PIGN: variants seen among roughly 807,000 people sequenced by gnomAD.
PIGN encodes the protein phosphatidylinositol glycan anchor biosynthesis class N, also known as GPI ethanolamine phosphate transferase 1.
In PIGN, 117 loss-of-function variants were observed where a neutral mutation model predicts 125.4. The ratio of observed to expected loss-of-function variants is 0.93; its 90% CI spans 0.80 to 1.09. PIGN has a LOEUF of 1.09. Ranked by LOEUF, PIGN falls within the 50% of genes least tolerant of loss-of-function variation. The probability of loss-of-function intolerance (pLI) is 0.00; values close to 1 mark genes in which losing one functional copy is unlikely to be tolerated. For missense variants in PIGN, 1,075 were observed against 1,094.9 expected, an observed-to-expected ratio of 0.98 and a Z score of 0.26; for synonymous variants, 392 against 377.8, an observed-to-expected ratio of 1.04 and a Z score of -0.44.
At chr18:62,035,700 C>T (rs1456412436) in intron 23 of PIGN, among the ~76,000 whole-genome samples, 22 of 151,746 alleles carry the variant, frequency 1.4e-4, no homozygotes, top group African/African-American at 4.6e-4. Flanking sequence ...CAACAGGCCC[C>T]GGTGTGTGAT....
At chr18:62,116,797 G>T (rs2035102477) in intron 14 of PIGN, among the ~76,000 whole-genome samples, 1 of 151,844 alleles carries the variant, frequency 6.6e-6, no homozygotes. Context: ...AAAAAAGGAA[G>T]AAAAATAAGA....
chr18:62,094,420 A>G (rs2034092617), intron 23 of PIGN, among the ~76,000 whole-genome samples: 1 of 152,168 alleles, frequency 6.6e-6, no homozygotes, highest in Non-Finnish European at 1.5e-5. Context: ...TCCTTAAGTC[A>G]ACCTCTGGGT....
At position 62,146,798 on chromosome 18, in the gene PIGN, TA is replaced by T. The variant is rs201036226; in HGVS notation, c.805+172del. 3.5e-3 allele frequency among the ~76,000 whole-genome samples: 534 copies of T among 152,330 alleles called. 1 individual carries two copies. Among genetic ancestry groups the T allele is most frequent in the African/African-American group, 0.012 (510 of 41,572 alleles). ...ATATTCGTTTTTTAGTTAGAGAAAATATTTTTTTATAAGATCAGTTGTTTTT... is the reference window on the plus strand; with the variant it reads ...ATATTCGTTTTTTAGTTAGAGAAAATTTTTTTTATAAGATCAGTTGTTTTT... On this transcript the variant is annotated intron_variant, in intron 9 of 30. Coordinates refer to ENST00000640252, the MANE Select transcript of PIGN (RefSeq NM_176787.5).
chr18:62,051,137 A>T (rs1413270581), intron 30 of PIGN, among the ~76,000 whole-genome samples: 1 of 149,604 alleles, frequency 6.7e-6, no homozygotes, highest in Non-Finnish European at 1.5e-5. Flanking sequence ...ATCAATGTTC[A>T]TCAAGGATAT....
intron 6 of PIGN, among the ~76,000 whole-genome samples, chr18:62,156,741 A>G (rs187444480): frequency 4.7e-4 from 71 of 152,362 alleles, no homozygotes; most frequent in Non-Finnish European, 9.0e-4. Context: ...GAAAAGTGCT[A>G]TGCTAAATAT....
chr18:62,054,827 A>G (rs181650793), intron 30 of PIGN, among the ~76,000 whole-genome samples: 14 of 152,308 alleles, frequency 9.2e-5, no homozygotes, highest in Admixed American at 2.6e-4. Context: ...AATATAGAAT[A>G]AATTCTCAAA....
intron 14 of PIGN, among the ~76,000 whole-genome samples, chr18:62,134,841 CT>C (rs538336690): frequency 8.5e-5 from 13 of 152,292 alleles, no homozygotes; most frequent in South Asian, 4.1e-4. Context: ...AGCATGCTTT[CT>C]TGTAAAGTTT....
At chr18:62,146,174 C>A in intron 9 of PIGN, 149 bp from the exon 10 acceptor site, 4 of 398,360 alleles carry the variant, frequency 1.0e-5, no homozygotes, top group Non-Finnish European at 1.4e-5. Flanking sequence ...CCTTTTATGG[C>A]AATTAGTTTG....
At chr18:62,091,489 T>C (rs1229884671) in intron 23 of PIGN, among the ~76,000 whole-genome samples, 1 of 152,204 alleles carries the variant, frequency 6.6e-6, no homozygotes, top group Non-Finnish European at 1.5e-5. Context: ...AATAAGGCCA[T>C]TTCTAAAAAT....
intron 1 of PIGN, among the ~76,000 whole-genome samples, chr18:62,175,163 T>C (rs1199150914): frequency 6.6e-6 from 1 of 150,566 alleles, no homozygotes; most frequent in African/African-American, 2.4e-5. Flanking sequence ...AAGGAACTCG[T>C]GTTTTCACTT....
At chr18:62,050,060 T>G (rs1009647784) in intron 30 of PIGN, among the ~76,000 whole-genome samples, 10 of 152,068 alleles carry the variant, frequency 6.6e-5, no homozygotes, top group African/African-American at 2.4e-4. Flanking sequence ...TTGATCTATA[T>G]CTCTGTTTTG....
chr18:62,157,017 G>A (rs11152334), intron 6 of PIGN, 112 bp downstream of exon 6: 156 of 527,304 alleles, frequency 3.0e-4, no homozygotes, highest in African/African-American at 2.5e-3. Flanking sequence ...TGTTAAAAAT[G>A]TAAAAATATG....
chr18:62,065,701 A>G (rs928377529), intron 30 of PIGN, among the ~76,000 whole-genome samples: 1 of 152,042 alleles, frequency 6.6e-6, no homozygotes, highest in Non-Finnish European at 1.5e-5. Flanking sequence ...GCGCCACTGC[A>G]CTCCAGCCTG....
intron 7 of PIGN, among the ~76,000 whole-genome samples, chr18:62,153,168 T>C (rs2036601155): frequency 6.6e-6 from 1 of 152,164 alleles, no homozygotes; most frequent in African/African-American, 2.4e-5. Context: ...TTTCTTTGTC[T>C]CCTGTACCTG....
intron 23 of PIGN, among the ~76,000 whole-genome samples, chr18:62,028,400 T>C (rs968302991): frequency 6.6e-6 from 1 of 152,214 alleles, no homozygotes; most frequent in African/African-American, 2.4e-5. Flanking sequence ...ATTTAGACCA[T>C]CTGCTCTAAA....
At chr18:62,178,267 T>C (rs1351222894) in intron 1 of PIGN, among the ~76,000 whole-genome samples, 1 of 152,046 alleles carries the variant, frequency 6.6e-6, no homozygotes, top group Non-Finnish European at 1.5e-5. Flanking sequence ...CTCTTCTTCA[T>C]TATGCAGTCT....
chr18:62,169,914 TG>T (rs1159165482), intron 1 of PIGN, among the ~76,000 whole-genome samples: 1 of 152,212 alleles, frequency 6.6e-6, no homozygotes, highest in African/African-American at 2.4e-5. Flanking sequence ...TAAGCCACTG[TG>T]CCCAGCCATG....
chr18:62,097,651 C>T (rs2146256858), intron 22 of PIGN, among the ~76,000 whole-genome samples: 1 of 152,212 alleles, frequency 6.6e-6, no homozygotes, highest in South Asian at 2.1e-4. Flanking sequence ...CTTAATTAGG[C>T]ATTTATATCT....
At chr18:62,077,677 C>G (rs2033245135) in intron 28 of PIGN, among the ~76,000 whole-genome samples, 1 of 152,258 alleles carries the variant, frequency 6.6e-6, no homozygotes, top group South Asian at 2.1e-4. Flanking sequence ...CATATGGTAT[C>G]TGCCTAGTAA....
Sources: gnomAD v4.1 joint callset for allele counts (sites outside exome capture counted in the v4.1 genomes callset) on GRCh38, gnomAD v4.1.1 for gene constraint, MANE v1.5 for transcripts, NCBI Gene and HGNC (gene_info 2026-07-23, HGNC 2026-07-21) for gene names.